ATG101: variants seen among roughly 807,000 people sequenced by gnomAD.
ATG101 encodes the protein autophagy related 101.
In ATG101, 6 loss-of-function variants were observed where a neutral mutation model predicts 16.7. That is an observed-to-expected ratio of 0.36 (90% CI 0.20 to 0.71). ATG101 has a LOEUF of 0.71. Ranked by LOEUF, ATG101 falls within the 30% of genes least tolerant of loss-of-function variation. The pLI, the probability that ATG101 is intolerant of heterozygous loss-of-function variation, is 0.57. For synonymous variants in ATG101, 108 were observed against 118.1 expected, an observed-to-expected ratio of 0.91 and a Z score of 0.56; for missense variants, 200 against 292.5, an observed-to-expected ratio of 0.68 and a Z score of 2.31.
intron 3 of ATG101, among the ~76,000 whole-genome samples, chr12:52,074,532 T>A (rs967668204): frequency 2.0e-5 from 3 of 152,100 alleles, no homozygotes; most frequent in Admixed American, 1.3e-4. Context: ...TCTTCCTTTT[T>A]TTTTTTTGAG....
upstream of ATG101, chr12:52,069,673 A>G (rs1206645273): frequency 1.3e-5 from 2 of 149,826 alleles, no homozygotes. Flanking sequence ...CCTTCCCTCC[A>G]GTCTCTATGG....
In ATG101 at chr12:52,077,317, C is replaced by T. The variant is rs962438242; in HGVS notation, c.*127C>T. On this transcript the variant is annotated 3_prime_UTR_variant, in exon 4 of 4. Transcript: ENST00000336854. ...GGTGAGACTTGGAAGGGGCAGCCCC[C>T]GCTGGCTTCTTGGTTTTGTGGTTGC... 1.6e-4 allele frequency: 177 copies of T among 1,116,578 alleles called. No individual in the cohort carries two copies. Among genetic ancestry groups the T allele is most frequent in the South Asian group, 3.2e-4 (20 of 61,966 alleles). 69.2% of individuals were successfully genotyped at this position (1,116,578 alleles called of 1,614,324 possible).
At chr12:52,069,639 C>A (rs1289872999), upstream of ATG101, 1 of 152,110 alleles carries the variant, frequency 6.6e-6, no homozygotes, top group Non-Finnish European at 1.5e-5. Flanking sequence ...CCTAGGGAGG[C>A]GGCCGAGAGC....
In ATG101 at chr12:52,077,463, G is replaced by T; in HGVS notation, c.*273G>T. ...GTACAGAAGAGCCACCACTGGGATGGGGAATAAAGTTGAGAACATGAGTTT... is the reference window on the plus strand; with the variant it reads ...GTACAGAAGAGCCACCACTGGGATGTGGAATAAAGTTGAGAACATGAGTTT... On this transcript the variant is annotated 3_prime_UTR_variant, in exon 4 of 4. Transcript: ENST00000336854. 3 of 452,114 alleles carry T rather than the reference G, an allele frequency of 6.6e-6. No individual in the cohort carries two copies. Among genetic ancestry groups the T allele is most frequent in the Admixed American group, 7.2e-5 (2 of 27,644 alleles). The allele number at this position is 452,114 out of a possible 1,614,324, so 28.0% of individuals were successfully genotyped here.
upstream of ATG101, among the ~76,000 whole-genome samples, chr12:52,068,874 C>T (rs1262764008): frequency 6.6e-6 from 1 of 151,240 alleles, no homozygotes; most frequent in Non-Finnish European, 1.5e-5. Flanking sequence ...GCCTGTAGTC[C>T]CAGCTACTCG....
chr12:52,072,354 C>T (rs1455077849), intron 2 of ATG101, among the ~76,000 whole-genome samples: 1 of 152,248 alleles, frequency 6.6e-6, no homozygotes, highest in Admixed American at 6.5e-5. Context: ...ATTCTCACTA[C>T]TATCCCCATT....
upstream of ATG101, among the ~76,000 whole-genome samples, chr12:52,068,352 CT>C (rs1227003912): frequency 0.01 from 1,467 of 143,224 alleles, 22 homozygotes; most frequent in African/African-American, 0.032. Context: ...TCACACCCGA[CT>C]TTTTTTTTTT....
chr12:52,072,715 T>G (rs1339523115), intron 2 of ATG101, among the ~76,000 whole-genome samples: 1 of 152,130 alleles, frequency 6.6e-6, no homozygotes, highest in Admixed American at 6.6e-5. Context: ...TTAGAGCCAT[T>G]CTTTGCCCTT....
At chr12:52,069,542 T>C (rs1338273329), upstream of ATG101, 1 of 152,258 alleles carries the variant, frequency 6.6e-6, no homozygotes, top group African/African-American at 2.4e-5. Flanking sequence ...CGGTGATCAG[T>C]GTTCCTTCCA....
intron 2 of ATG101, among the ~76,000 whole-genome samples, chr12:52,071,648 C>G (rs190268195): frequency 1.2e-4 from 19 of 152,226 alleles, no homozygotes; most frequent in Non-Finnish European, 2.6e-4. Flanking sequence ...AAAACCCTTT[C>G]TTTACCAAAA....
upstream of ATG101, among the ~76,000 whole-genome samples, chr12:52,065,458 T>A (rs1323027625): frequency 6.6e-6 from 1 of 152,098 alleles, no homozygotes; most frequent in Non-Finnish European, 1.5e-5. Flanking sequence ...TCATCAGAGG[T>A]AGGGGCATAG....
upstream of ATG101, among the ~76,000 whole-genome samples, chr12:52,067,128 A>C (rs1413652670): frequency 1.3e-5 from 2 of 152,188 alleles, no homozygotes; most frequent in Non-Finnish European, 2.9e-5. Flanking sequence ...TGATGGTGGA[A>C]AGGCCAGCCT....
At chr12:52,074,806 A>G (rs1939707372) in intron 3 of ATG101, among the ~76,000 whole-genome samples, 1 of 152,124 alleles carries the variant, frequency 6.6e-6, no homozygotes, top group African/African-American at 2.4e-5. Context: ...AGAAAATACA[A>G]AAATTAGTGG....
chr12:52,072,701 C>T (rs759995004), intron 2 of ATG101, among the ~76,000 whole-genome samples: 13 of 151,974 alleles, frequency 8.6e-5, no homozygotes, highest in Non-Finnish European at 1.6e-4. Context: ...GACCCCAATA[C>T]GGTTTAGAGC....
chr12:52,067,593 CTT>C (rs56671149), upstream of ATG101, among the ~76,000 whole-genome samples: 3 of 145,018 alleles, frequency 2.1e-5, no homozygotes, highest in African/African-American at 5.0e-5. Flanking sequence ...CTTTCTTTTT[CTT>C]TTTTTTTTTT....
chr12:52,070,051 C>A lies in ATG101; in HGVS notation c.-398C>A, dbSNP rs11538191. 0.014 allele frequency: 2,108 copies of A among 152,462 alleles called. 13 individuals carry two copies. Among genetic ancestry groups the A allele is most frequent in the Non-Finnish European group, 0.022 (1,519 of 68,210 alleles). 9.4% of individuals were successfully genotyped at this position (152,462 alleles called of 1,614,324 possible). A position where few individuals can be genotyped will look rare whatever the true frequency, so the allele number is the denominator to read the frequency against. The stretch of plus-strand genomic sequence containing the variant: ...GAGTGGTGGCATCTGAGAGGCTGGT[C>A]GTGGACTGTGGTTGGGGGAGGTGGG... On this transcript the variant is annotated 5_prime_UTR_variant, in exon 1 of 4. Transcript: ENST00000336854.
chr12:52,065,793 A>G (rs1325696020), upstream of ATG101, among the ~76,000 whole-genome samples: 2 of 152,226 alleles, frequency 1.3e-5, no homozygotes, highest in Admixed American at 1.3e-4. Flanking sequence ...TTCTCCAGAG[A>G]AACAGAAGCA....
chr12:52,068,125 C>G (rs1482587557), upstream of ATG101, among the ~76,000 whole-genome samples: 1 of 150,738 alleles, frequency 6.6e-6, no homozygotes, highest in African/African-American at 2.4e-5. Context: ...CAGCTCATTG[C>G]AACCTCCACC....
At chr12:52,076,708 C>T in intron 3 of ATG101, 78 bp from the exon 4 acceptor site, 3 of 1,499,682 alleles carry the variant, frequency 2.0e-6, no homozygotes, top group Non-Finnish European at 2.7e-6. Context: ...GAGCATAATT[C>T]CCTGGGGTGT....
Sources: gnomAD v4.1 joint callset for allele counts (sites outside exome capture counted in the v4.1 genomes callset) on GRCh38, gnomAD v4.1.1 for gene constraint, MANE v1.5 for transcripts, NCBI Gene and HGNC (gene_info 2026-07-23, HGNC 2026-07-21) for gene names.